SHANK2: variants seen among roughly 807,000 people sequenced by gnomAD.
SHANK2 encodes the protein SH3 and multiple ankyrin repeat domains 2, also known as SH3 and multiple ankyrin repeat domains protein 2.
A neutral mutation model predicts 133.7 loss-of-function variants in SHANK2; 43 were observed. The observed-to-expected ratio is 0.32, with a 90% CI of 0.25 to 0.41. The LOEUF is 0.41. SHANK2 is among the 10% of genes least tolerant of loss of function. The pLI, the probability that SHANK2 is intolerant of heterozygous loss-of-function variation, is 1.00. For synonymous variants in SHANK2, 1,017 were observed against 952.8 expected (o/e 1.07, Z -1.24); for missense variants, 1,994 against 2,235.8 (o/e 0.89, Z 2.18).
chr11:70,754,625 T>G (rs546861793), intron 14 of SHANK2, among the ~76,000 whole-genome samples: 1 of 152,254 alleles, frequency 6.6e-6, no homozygotes, highest in Non-Finnish European at 1.5e-5. Flanking sequence ...CCTTCCACAT[T>G]TGGGTTCTGA....
At chr11:71,163,354 T>C (rs1290003644) in intron 2 of SHANK2, among the ~76,000 whole-genome samples, 1 of 152,172 alleles carries the variant, frequency 6.6e-6, no homozygotes, top group Non-Finnish European at 1.5e-5. Context: ...TAATGGTCTT[T>C]CCAGTGCAAG....
intron 25 of SHANK2, among the ~76,000 whole-genome samples, chr11:70,476,457 G>A (rs1170681253): frequency 6.6e-6 from 1 of 152,158 alleles, no homozygotes; most frequent in African/African-American, 2.4e-5. Flanking sequence ...ACTTAAAACT[G>A]GGGGTGCTGT....
At chr11:70,943,129 G>C (rs1555084692) in intron 10 of SHANK2, 1 of 455,570 alleles carries the variant, frequency 2.2e-6, no homozygotes, top group Non-Finnish European at 4.4e-6. Flanking sequence ...GGTGGCGATG[G>C]AGCAAGCAGT....
chr11:70,476,066 T>TAA (rs537108235), intron 25 of SHANK2, among the ~76,000 whole-genome samples: 2 of 144,132 alleles, frequency 1.4e-5, no homozygotes, highest in African/African-American at 2.5e-5. Context: ...TACTAAAAAT[T>TAA]AAAAAAAAAA....
At chr11:70,788,538 G>A (rs1482435829) in intron 14 of SHANK2, among the ~76,000 whole-genome samples, 6 of 152,152 alleles carry the variant, frequency 3.9e-5, no homozygotes, top group African/African-American at 1.4e-4. Flanking sequence ...AGCTGGCTCT[G>A]ATATCAGACC....
chr11:71,127,409 C>T (rs1281188914), intron 3 of SHANK2, among the ~76,000 whole-genome samples: 1 of 152,172 alleles, frequency 6.6e-6, no homozygotes, highest in Non-Finnish European at 1.5e-5. Context: ...GGGTAAAATG[C>T]TATCAAACAG....
intron 17 of SHANK2, among the ~76,000 whole-genome samples, chr11:70,592,047 AAATAAAAAATAAAAAT>A (rs2060330828): frequency 7.0e-6 from 1 of 143,876 alleles, no homozygotes; most frequent in Non-Finnish European, 1.5e-5. Flanking sequence ...AAAAATAAAT[AAATAAAAAATAAAAAT>A]AATAAAAAAT....
intron 3 of SHANK2, among the ~76,000 whole-genome samples, chr11:71,134,742 C>T (rs1457479761): frequency 2.0e-5 from 3 of 151,986 alleles, no homozygotes; most frequent in Non-Finnish European, 4.4e-5. Flanking sequence ...ACTGCAAAGA[C>T]GCAGGCCTCA....
intron 8 of SHANK2, among the ~76,000 whole-genome samples, chr11:71,083,555 C>T (rs1951329567): frequency 6.6e-6 from 1 of 152,126 alleles, no homozygotes; most frequent in Non-Finnish European, 1.5e-5. Flanking sequence ...ACACCCAGGC[C>T]AGAATATGGC....
intron 25 of SHANK2, among the ~76,000 whole-genome samples, chr11:70,476,233 C>T (rs2058661936): frequency 6.6e-6 from 1 of 152,028 alleles, no homozygotes; most frequent in Non-Finnish European, 1.5e-5. Context: ...TTCTCAAAAA[C>T]AACAACAACA....
At chr11:70,846,032 G>A (rs1234195015) in intron 11 of SHANK2, among the ~76,000 whole-genome samples, 2 of 152,116 alleles carry the variant, frequency 1.3e-5, no homozygotes, top group Admixed American at 6.5e-5. Flanking sequence ...GGCTGGTGCC[G>A]AGCCCAGAGA....
chr11:70,950,112 C>T (rs1555086215), intron 10 of SHANK2: 2 of 456,462 alleles, frequency 4.4e-6, no homozygotes, highest in South Asian at 3.1e-5. Context: ...GACTGGAATG[C>T]AATGGCGCTG....
chr11:71,084,538 C>T (rs1469529651), intron 8 of SHANK2, among the ~76,000 whole-genome samples: 1 of 152,220 alleles, frequency 6.6e-6, no homozygotes, highest in Non-Finnish European at 1.5e-5. Context: ...AACCCTGGGA[C>T]AGGGCTGTCC....
intron 5 of SHANK2, among the ~76,000 whole-genome samples, chr11:71,112,148 C>G (rs1048059962): frequency 6.6e-6 from 1 of 152,216 alleles, no homozygotes; most frequent in Non-Finnish European, 1.5e-5. Flanking sequence ...AATCCCAGCA[C>G]TTTGGGAGGC....
intron 10 of SHANK2, chr11:70,911,253 T>TCTTG (rs1950187454): frequency 2.2e-6 from 1 of 451,340 alleles, no homozygotes; most frequent in Non-Finnish European, 4.4e-6. Flanking sequence ...TGAGATGGAG[T>TCTTG]CTTGCTCTGT....
chr11:70,854,421 A>G (rs973628233), intron 11 of SHANK2, among the ~76,000 whole-genome samples: 23 of 152,290 alleles, frequency 1.5e-4, no homozygotes, highest in African/African-American at 5.1e-4. Context: ...CCCAGCCAAC[A>G]AAGTTGAGAG....
chr11:71,098,760 C>T (rs181593207), intron 6 of SHANK2, among the ~76,000 whole-genome samples: 32 of 152,296 alleles, frequency 2.1e-4, no homozygotes, highest in African/African-American at 7.5e-4. Context: ...GCCGATCTTG[C>T]AATGCAGACA....
intron 11 of SHANK2, chr11:70,863,651 C>T (rs1054449892): frequency 2.3e-6 from 1 of 428,610 alleles, no homozygotes; most frequent in East Asian, 7.1e-5. Flanking sequence ...CTGGTCCACT[C>T]TCTCTGGCAT....
intron 17 of SHANK2, among the ~76,000 whole-genome samples, chr11:70,523,977 G>A (rs1305084286): frequency 6.6e-6 from 1 of 152,114 alleles, no homozygotes; most frequent in African/African-American, 2.4e-5. Flanking sequence ...TGAATACCTG[G>A]CACATGAGGG....
Sources: allele counts gnomAD v4.1 joint callset (sites outside exome capture counted in the v4.1 genomes callset), GRCh38; gene constraint gnomAD v4.1.1; transcripts MANE v1.5; gene names NCBI Gene and HGNC (gene_info 2026-07-23, HGNC 2026-07-21).